Variants in SCHIP1 observed in about 807,000 individuals in gnomAD.
The protein encoded by SCHIP1 is schwannomin-interacting protein 1.
In SCHIP1, 8 loss-of-function variants were observed where a neutral mutation model predicts 29.7. The observed-to-expected ratio is 0.27, with a 90% CI of 0.16 to 0.49. The LOEUF is 0.49. Ranked by LOEUF, SCHIP1 falls within the 20% of genes least tolerant of loss-of-function variation. SCHIP1 has a pLI of 0.99. For synonymous variants in SCHIP1, 76 were observed against 94.9 expected (o/e 0.80, Z 1.16); for missense variants, 193 against 294.6 (o/e 0.66, Z 2.52).
chr3:159,697,453 T>C, the SCHIP1 span, among the ~76,000 whole-genome samples: 1 of 152,138 alleles, frequency 6.6e-6, no homozygotes, highest in African/African-American at 2.4e-5. Flanking sequence ...GCCAAGGGGA[T>C]GGATATAATC....
chr3:159,308,241 A>G, the SCHIP1 span, among the ~76,000 whole-genome samples: 1 of 152,004 alleles, frequency 6.6e-6, no homozygotes, highest in Admixed American at 6.6e-5. Context: ...TGTGTCATCT[A>G]CAGCCTACAG....
At chr3:159,414,565 A>G in the SCHIP1 span, among the ~76,000 whole-genome samples, 1 of 152,318 alleles carries the variant, frequency 6.6e-6, no homozygotes, top group African/African-American at 2.4e-5. Context: ...GTAACCTTGT[A>G]GTATTGCTAT....
chr3:159,755,234 CA>C, the SCHIP1 span, among the ~76,000 whole-genome samples: 2 of 150,392 alleles, frequency 1.3e-5, no homozygotes, highest in African/African-American at 2.4e-5. Context: ...GACTCCCTCT[CA>C]AAAAAAAAGA....
At chr3:159,330,431 A>G in the SCHIP1 span, among the ~76,000 whole-genome samples, 1 of 152,198 alleles carries the variant, frequency 6.6e-6, no homozygotes, top group Non-Finnish European at 1.5e-5. Flanking sequence ...TCTTCAAGTC[A>G]AATTAGTATT....
chr3:159,502,637 TCCCCACTCC>T, the SCHIP1 span, among the ~76,000 whole-genome samples: 4 of 151,488 alleles, frequency 2.6e-5, no homozygotes, highest in African/African-American at 9.7e-5. Flanking sequence ...ATGCTATCCC[TCCCCACTCC>T]CCCCACCCCA....
chr3:159,570,696 C>T, the SCHIP1 span, among the ~76,000 whole-genome samples: 3 of 152,126 alleles, frequency 2.0e-5, no homozygotes, highest in African/African-American at 7.2e-5. Flanking sequence ...TCATTGGTAG[C>T]TTGATGGGGA....
the SCHIP1 span, among the ~76,000 whole-genome samples, chr3:159,643,582 GATT>G: frequency 6.6e-6 from 1 of 152,086 alleles, no homozygotes; most frequent in Non-Finnish European, 1.5e-5. Context: ...TGAGGAAAGA[GATT>G]ATTTGAATGT....
the SCHIP1 span, among the ~76,000 whole-genome samples, chr3:159,701,273 G>T: frequency 6.6e-6 from 1 of 151,882 alleles, no homozygotes; most frequent in South Asian, 2.1e-4. Flanking sequence ...CCTTTTTTAT[G>T]GTTAATAAAC....
the SCHIP1 span, among the ~76,000 whole-genome samples, chr3:159,524,924 C>G: frequency 6.6e-6 from 1 of 152,180 alleles, no homozygotes; most frequent in Non-Finnish European, 1.5e-5. Flanking sequence ...CTGTACACCC[C>G]ACCCCTAGCC....
At chr3:159,732,933 T>C in the SCHIP1 span, among the ~76,000 whole-genome samples, 3,060 of 152,312 alleles carry the variant, frequency 0.02, 48 homozygotes, top group Non-Finnish European at 0.032. Context: ...TTTTGCAGCC[T>C]GGCTTGTTAG....
the SCHIP1 span, among the ~76,000 whole-genome samples, chr3:159,545,556 C>T: frequency 6.6e-6 from 1 of 150,530 alleles, no homozygotes; most frequent in Admixed American, 6.7e-5. Context: ...TGAGTTAATG[C>T]TTAATAAACT....
intron 1 of SCHIP1, chr3:159,845,959 G>A (rs1711770994): frequency 6.6e-6 from 1 of 152,212 alleles, no homozygotes; most frequent in African/African-American, 2.4e-5. Context: ...AACATCTCAT[G>A]TGCCAGAATT....
the SCHIP1 span, among the ~76,000 whole-genome samples, chr3:159,373,554 T>C: frequency 6.6e-6 from 1 of 152,020 alleles, no homozygotes; most frequent in Non-Finnish European, 1.5e-5. Context: ...CTTTTGACCA[T>C]CATCTCCCTA....
intron 2 of SCHIP1, among the ~76,000 whole-genome samples, chr3:159,880,258 A>G (rs533980254): frequency 2.6e-5 from 4 of 152,106 alleles, no homozygotes; most frequent in African/African-American, 7.2e-5. Context: ...CAGCTTTTCT[A>G]TCTCTCTCCT....
chr3:159,697,890 C>T, the SCHIP1 span, among the ~76,000 whole-genome samples: 1 of 152,174 alleles, frequency 6.6e-6, no homozygotes, highest in East Asian at 1.9e-4. Context: ...ATCATTTGTA[C>T]AGTGTGATGG....
chr3:159,669,776 G>T, the SCHIP1 span, among the ~76,000 whole-genome samples: 1 of 152,178 alleles, frequency 6.6e-6, no homozygotes, highest in Non-Finnish European at 1.5e-5. Flanking sequence ...GCTTTGGTTG[G>T]TGATTCGGGA....
the SCHIP1 span, among the ~76,000 whole-genome samples, chr3:159,834,297 C>T: frequency 1.3e-5 from 2 of 152,180 alleles, no homozygotes; most frequent in East Asian, 1.9e-4. Context: ...AAGTGAATAA[C>T]CAAATGAACA....
the SCHIP1 span, among the ~76,000 whole-genome samples, chr3:159,404,809 G>T: frequency 6.6e-6 from 1 of 152,346 alleles, no homozygotes; most frequent in African/African-American, 2.4e-5. Flanking sequence ...AAACCAGGCA[G>T]TGGTTACTGC....
chr3:159,801,639 A>T, the SCHIP1 span, among the ~76,000 whole-genome samples: 2 of 152,190 alleles, frequency 1.3e-5, no homozygotes, highest in Admixed American at 1.3e-4. Context: ...AAAAAAAATT[A>T]ACCTCCTGTT....
Sources: allele counts gnomAD v4.1 joint callset (sites outside exome capture counted in the v4.1 genomes callset), GRCh38; gene constraint gnomAD v4.1.1; transcripts MANE v1.5; gene names NCBI Gene and HGNC (gene_info 2026-07-23, HGNC 2026-07-21).